GRIK1: variants seen among roughly 807,000 people sequenced by gnomAD.
The protein encoded by GRIK1 is glutamate receptor ionotropic, kainate 1.
Under a neutral mutation model 105.7 loss-of-function variants are expected in GRIK1, and 69 were observed. The observed-to-expected ratio is 0.65, with a 90% CI of 0.54 to 0.80. GRIK1 has a LOEUF of 0.80. GRIK1 is among the 30% of genes least tolerant of loss of function. The probability of loss-of-function intolerance (pLI) is 0.00; values close to 1 mark genes in which losing one functional copy is unlikely to be tolerated. For synonymous variants in GRIK1, 438 were observed against 431.3 expected, an observed-to-expected ratio of 1.02 and a Z score of -0.19; for missense variants, 1,109 against 1,167.3, an observed-to-expected ratio of 0.95 and a Z score of 0.73.
chr21:29,557,478 T>A (rs1348345189), intron 15 of GRIK1, among the ~76,000 whole-genome samples: 1 of 152,218 alleles, frequency 6.6e-6, no homozygotes, highest in Non-Finnish European at 1.5e-5. Context: ...CACGACAGTG[T>A]TCCCAACCAT....
intron 15 of GRIK1, among the ~76,000 whole-genome samples, chr21:29,560,882 G>A (rs557081553): frequency 2.0e-5 from 3 of 152,226 alleles, no homozygotes; most frequent in Non-Finnish European, 4.4e-5. Context: ...TTACAGGCGT[G>A]AGCCATCGCG....
At chr21:29,805,945 G>A (rs763026443) in intron 1 of GRIK1, among the ~76,000 whole-genome samples, 1 of 152,040 alleles carries the variant, frequency 6.6e-6, no homozygotes, top group Non-Finnish European at 1.5e-5. Flanking sequence ...TAATAACTAG[G>A]AGTTGTGTTG....
At chr21:29,720,684 C>T (rs1441504888) in intron 1 of GRIK1, among the ~76,000 whole-genome samples, 4 of 152,154 alleles carry the variant, frequency 2.6e-5, no homozygotes, top group Non-Finnish European at 4.4e-5. Context: ...CACTCTTACT[C>T]AGCTTCGATC....
Position 29,730,320 on chromosome 21 carries a change from A to T in GRIK1, c.119-36257T>A, listed in dbSNP as rs548502295. ...TTGAATTCCCTTCTGAGAGGTAGGTATTTTAGAATATGCATGCAAAACAGG... is the reference window on the plus strand; with the variant it reads ...TTGAATTCCCTTCTGAGAGGTAGGTTTTTTAGAATATGCATGCAAAACAGG... On this transcript the variant is annotated intron_variant, in intron 1 of 17. Transcript: ENST00000327783. 1.4e-4 allele frequency among the ~76,000 whole-genome samples: 22 copies of T among 152,322 alleles called. 1 individual carries two copies. Among genetic ancestry groups the T allele is most frequent in the Non-Finnish European group, 2.1e-4 (14 of 68,022 alleles).
At chr21:29,560,354 T>TCTTTCTTTCTTC in intron 15 of GRIK1, among the ~76,000 whole-genome samples, 1 of 103,364 alleles carries the variant, frequency 9.7e-6, no homozygotes, top group East Asian at 2.7e-4. Flanking sequence ...TTTCTTTCTT[T>TCTTTCTTTCTTC]CTTTTTCTTT....
chr21:29,701,860 G>C (rs1199098864), intron 1 of GRIK1, among the ~76,000 whole-genome samples: 1 of 152,188 alleles, frequency 6.6e-6, no homozygotes. Context: ...ACTTCGGCAG[G>C]ATTTGCTGAT....
In GRIK1 at chr21:29,572,471, T is replaced by A. The variant is rs564474964; in HGVS notation, c.2130+4493A>T. Among the ~76,000 whole-genome samples, 3 of 152,202 alleles carry A rather than the reference T, an allele frequency of 2.0e-5. No individual in the cohort carries two copies. The South Asian group carries it at 6.2e-4, about 32-fold the overall frequency. On this transcript the variant is annotated intron_variant, in intron 14 of 17. Coordinates refer to ENST00000327783, the MANE Select transcript of GRIK1 (RefSeq NM_001330994.2). The stretch of plus-strand genomic sequence containing the variant: ...TGCTCCTTCATTCACTCTCCCTCCC[T>A]CTCTCTGATAGAAATCCACCTCTCC...
chr21:29,805,500 C>T (rs1054783049), intron 1 of GRIK1, among the ~76,000 whole-genome samples: 11 of 152,082 alleles, frequency 7.2e-5, no homozygotes, highest in African/African-American at 2.4e-4. Flanking sequence ...GTGTAATTTA[C>T]CTGCCTTTTA....
chr21:29,831,503 G>T (rs1162844089), intron 1 of GRIK1, among the ~76,000 whole-genome samples: 1 of 152,176 alleles, frequency 6.6e-6, no homozygotes, highest in Non-Finnish European at 1.5e-5. Context: ...AAGCATGGCT[G>T]GGGAAGCCTC....
At position 29,555,085 on chromosome 21, in the gene GRIK1, T is replaced by A. The variant is rs2090216979; in HGVS notation, c.2574A>T (p.Ile858=). Residue 858 remains isoleucine, a synonymous_variant, in exon 16 of 18, where the codon ATA becomes ATT. Coordinates refer to ENST00000327783, the MANE Select transcript of GRIK1 (RefSeq NM_001330994.2). ...TATCATTATTCTTCCGTGATTTGTA[T>A]ATGAATTCTCCAATAGCTACAAATA... ...LSVFVAIGEF[I]YKSRKNNDIE... The A allele has an allele frequency of 6.2e-7, 1 of 1,610,248 alleles. No homozygotes were observed.
rs887561918 is a variant in GRIK1 at position 29,845,181 on chromosome 21, CT to C, written c.118+94201del. On this transcript the variant is annotated intron_variant, in intron 1 of 17. Coordinates refer to ENST00000327783, the MANE Select transcript of GRIK1 (RefSeq NM_001330994.2). Reference sequence around the variant, plus strand: ...CACTATTGGTTTATTTTAGGAAACACTTTTTTTTTCTTTATATTCTTGGAAT... The same window carrying C: ...CACTATTGGTTTATTTTAGGAAACACTTTTTTTTCTTTATATTCTTGGAAT... 1.0e-3 allele frequency among the ~76,000 whole-genome samples: 157 copies of C among 151,422 alleles called. 1 individual carries two copies. Among genetic ancestry groups the C allele is most frequent in the African/African-American group, 1.5e-3 (62 of 41,300 alleles).
chr21:29,717,698 G>A (rs138440728), intron 1 of GRIK1, among the ~76,000 whole-genome samples: 15 of 152,350 alleles, frequency 9.8e-5, no homozygotes, highest in South Asian at 4.1e-4. Flanking sequence ...ATAGTTGGAA[G>A]GGACTTGCCT....
At chr21:29,855,043 G>A (rs375915357) in intron 1 of GRIK1, among the ~76,000 whole-genome samples, 1 of 152,200 alleles carries the variant, frequency 6.6e-6, no homozygotes, top group African/African-American at 2.4e-5. Context: ...ACCAGGGCAT[G>A]AGCTGTTGAG....
intron 7 of GRIK1, among the ~76,000 whole-genome samples, chr21:29,635,666 T>C (rs189364904): frequency 2.0e-5 from 3 of 152,314 alleles, no homozygotes; most frequent in African/African-American, 7.2e-5. Context: ...GTTGGTTGCA[T>C]TGGGATTAGA....
At chr21:29,593,472 C>G (rs2061361096) in intron 9 of GRIK1, among the ~76,000 whole-genome samples, 1 of 152,116 alleles carries the variant, frequency 6.6e-6, no homozygotes, top group African/African-American at 2.4e-5. Context: ...GGGACCCTTG[C>G]TTCTAGGAAA....
intron 1 of GRIK1, among the ~76,000 whole-genome samples, chr21:29,848,779 A>ATATTTTTTTTT: frequency 2.6e-5 from 2 of 77,884 alleles, no homozygotes; most frequent in South Asian, 5.3e-4. Flanking sequence ...ATATATATAT[A>ATATTTTTTTTT]TTTTTTTTTT....
At chr21:29,854,393 T>C (rs386657) in intron 1 of GRIK1, among the ~76,000 whole-genome samples, 151,986 of 152,170 alleles carry the variant, frequency 1, 75,901 homozygotes, top group Middle Eastern at 1. Context: ...ACATGAGATT[T>C]GGAGGGGACA....
At chr21:29,825,147 G>T (rs1007844150) in intron 1 of GRIK1, among the ~76,000 whole-genome samples, 5 of 152,074 alleles carry the variant, frequency 3.3e-5, no homozygotes, top group African/African-American at 1.2e-4. Context: ...AATCATCAAA[G>T]AAGTAAAAAG....
chr21:29,776,180 TC>T (rs1482586736), intron 1 of GRIK1, among the ~76,000 whole-genome samples: 1 of 152,212 alleles, frequency 6.6e-6, no homozygotes, highest in Non-Finnish European at 1.5e-5. Flanking sequence ...GGTCCCTCCC[TC>T]CACACATGGG....
Sources: gnomAD v4.1 joint callset for allele counts (sites outside exome capture counted in the v4.1 genomes callset) on GRCh38, gnomAD v4.1.1 for gene constraint, MANE v1.5 for transcripts, NCBI Gene and HGNC (gene_info 2026-07-23, HGNC 2026-07-21) for gene names.